SLC44A3: variants seen among roughly 807,000 people sequenced by gnomAD.
SLC44A3 encodes the protein solute carrier family 44 member 3.
SLC44A3 carries 74 observed loss-of-function variants against 75.4 expected under a neutral mutation model. The ratio of observed to expected loss-of-function variants is 0.98; its 90% CI spans 0.81 to 1.19. The LOEUF (loss-of-function observed/expected upper bound fraction) is 1.19, where lower values mean the gene tolerates loss of function less well. Among genes scored for constraint, SLC44A3 ranks in the 50% most tolerant of loss-of-function variants. The pLI is 0.00. For missense variants in SLC44A3, 700 were observed against 778.6 expected, an observed-to-expected ratio of 0.90 and a Z score of 1.20; for synonymous variants, 310 against 296.9, an observed-to-expected ratio of 1.04 and a Z score of -0.45.
Position 94,820,358 on chromosome 1 carries a change from G to T in SLC44A3, c.-94G>T. On this transcript the variant is annotated 5_prime_UTR_variant, in exon 1 of 15. Transcript: ENST00000271227. ...GGCTCCAGCCCCAGCCCCAGCCCCA[G>T]CCCCGGCCCCGGCCCCGGCTCGCGG... is the stretch of plus-strand genomic sequence containing the variant. 2 of 1,263,544 alleles carry T rather than the reference G, an allele frequency of 1.6e-6. No homozygotes were observed. Among genetic ancestry groups the T allele is most frequent in the Non-Finnish European group, 2.0e-6 (2 of 998,600 alleles). 78.3% of individuals were successfully genotyped at this position (1,263,544 alleles called of 1,614,324 possible).
intron 9 of SLC44A3, among the ~76,000 whole-genome samples, chr1:94,852,714 T>G (rs1200331662): frequency 6.6e-6 from 1 of 152,178 alleles, no homozygotes; most frequent in Non-Finnish European, 1.5e-5. Context: ...GGAAGTGGCA[T>G]GACATATTAG....
chr1:94,854,719 C>T (rs1465593157), intron 9 of SLC44A3, among the ~76,000 whole-genome samples: 2 of 149,486 alleles, frequency 1.3e-5, no homozygotes, highest in East Asian at 2.0e-4. Flanking sequence ...GGTTCTCAAG[C>T]CCCCCGCGCC....
In SLC44A3 at chr1:94,820,414, G is replaced by A; in HGVS notation, c.-38G>A. The stretch of plus-strand genomic sequence containing the variant: ...GCGTCTCCGCGTACAGGAGGCGGCG[G>A]CGGCTCCCAGTCACCGGCCCCCGCC... On this transcript the variant is annotated 5_prime_UTR_variant, in exon 1 of 15. Coordinates refer to ENST00000271227, the MANE Select transcript of SLC44A3 (RefSeq NM_001114106.3). The A allele has an allele frequency of 6.9e-7, 1 of 1,449,154 alleles. No homozygotes were observed. Among genetic ancestry groups the A allele is most frequent in the South Asian group, 1.3e-5 (1 of 74,636 alleles). 89.8% of individuals were successfully genotyped at this position (1,449,154 alleles called of 1,614,324 possible).
rs183823509 is a variant in SLC44A3 at position 94,865,665 on chromosome 1, A to T, written c.1395+766A>T. 2.6e-5 allele frequency among the ~76,000 whole-genome samples: 4 copies of T among 152,302 alleles called. No individual in the cohort carries two copies. The East Asian group carries it at 7.7e-4, about 29-fold the overall frequency. On this transcript the variant is annotated intron_variant, in intron 11 of 14. Coordinates refer to ENST00000271227, the MANE Select transcript of SLC44A3 (RefSeq NM_001114106.3). ...AACAAGAGAAGATTGGACTTTTCCC[A>T]AGTCTTCTGTTCTCACACAATGTTA...
chr1:94,821,418 C>A (rs1048397602), intron 2 of SLC44A3, among the ~76,000 whole-genome samples: 1 of 152,196 alleles, frequency 6.6e-6, no homozygotes, highest in Admixed American at 6.5e-5. Context: ...TTTGGTGCAC[C>A]TTTAACAAAG....
At position 94,894,971 on chromosome 1, in the gene SLC44A3, A is replaced by G; in HGVS notation, c.*49A>G. On this transcript the variant is annotated 3_prime_UTR_variant, in exon 15 of 15. Coordinates refer to ENST00000271227, the MANE Select transcript of SLC44A3 (RefSeq NM_001114106.3). Reference sequence around the variant, plus strand: ...TGGAAAACATTTCCTTCTAAGAGCCATTTACAGAATAGAAGATGAGACCAC... The same window carrying G: ...TGGAAAACATTTCCTTCTAAGAGCCGTTTACAGAATAGAAGATGAGACCAC... The G allele has an allele frequency of 6.9e-7, 1 of 1,451,284 alleles. No homozygotes were observed. The highest frequency in any genetic ancestry group is 9.5e-7 in the Non-Finnish European group (1 of 1,055,462). The allele number at this position is 1,451,284 out of a possible 1,614,324, so 89.9% of individuals were successfully genotyped here.
rs1660497000 is a variant in SLC44A3 at position 94,821,008 on chromosome 1, C to G, written c.87C>G (p.Cys29Trp). The change falls in exon 2 of 15, where the codon TGC becomes TGG. Residue 29 changes from cysteine to tryptophan, a missense_variant. Cys to Trp is a radical substitution (Grantham distance 215). Transcript: ENST00000271227. ...REWRPQIYRK[C>W]TDTAWLFLFF... Reference sequence around the variant, plus strand: ...GGCGACCCCAGATTTATAGGAAATGCACAGATACGGCATGGTTATTCCTGT... The same window carrying G: ...GGCGACCCCAGATTTATAGGAAATGGACAGATACGGCATGGTTATTCCTGT... The G allele has an allele frequency of 1.3e-6, 2 of 1,551,510 alleles. No homozygotes were observed. The highest frequency in any genetic ancestry group is 1.7e-6 in the Non-Finnish European group (2 of 1,146,900).
chr1:94,829,650 G>A (rs1661860133), intron 5 of SLC44A3, among the ~76,000 whole-genome samples: 1 of 152,222 alleles, frequency 6.6e-6, no homozygotes, highest in Non-Finnish European at 1.5e-5. Flanking sequence ...CCACCATTAT[G>A]ATGCTGAGAT....
intron 5 of SLC44A3, among the ~76,000 whole-genome samples, chr1:94,831,320 CAAGT>C (rs1482803489): frequency 3.3e-5 from 5 of 152,266 alleles, no homozygotes; most frequent in South Asian, 2.1e-4. Flanking sequence ...CCTGCACAAG[CAAGT>C]GTTTGTTTAA....
rs374271106 is a variant in SLC44A3, at chr1:94,828,477, T to C, written c.416-16T>C. ...ACCTGGAAAGAAGGTATAATGTCTG[T>C]GTGTTCTGCTTCCAGGGTCCTTCCT... On this transcript the variant is annotated splice_polypyrimidine_tract_variant and intron_variant, in intron 4 of 14. Transcript: ENST00000271227. The C allele has an allele frequency of 3.7e-6, 6 of 1,608,464 alleles. No individual in the cohort carries two copies. The African/African-American group carries it at 8.0e-5, about 22-fold the overall frequency.
At chr1:94,847,441 A>G (rs1031545026) in intron 9 of SLC44A3, among the ~76,000 whole-genome samples, 2 of 110,474 alleles carry the variant, frequency 1.8e-5, no homozygotes, top group African/African-American at 2.7e-5. Flanking sequence ...GCCAGGTCCC[A>G]GTTACATAGC....
At chr1:94,878,169 A>G (rs1049967411) in intron 12 of SLC44A3, among the ~76,000 whole-genome samples, 4 of 151,988 alleles carry the variant, frequency 2.6e-5, no homozygotes, top group African/African-American at 9.7e-5. Context: ...CAGGGGGCGG[A>G]GCCTGCAGTG....
intron 3 of SLC44A3, among the ~76,000 whole-genome samples, chr1:94,825,497 A>G (rs1354722671): frequency 2.0e-5 from 3 of 151,954 alleles, no homozygotes; most frequent in African/African-American, 7.3e-5. Context: ...GGCCTGGCTA[A>G]TTTTTGTATT....
chr1:94,888,595 G>T, intron 12 of SLC44A3: 2 of 885,096 alleles, frequency 2.3e-6, no homozygotes, highest in Non-Finnish European at 2.7e-6. Flanking sequence ...CAAATTTCAC[G>T]CACATTCTAT....
Position 94,820,416 on chromosome 1 carries a change from G to A in SLC44A3, c.-36G>A. Reference sequence around the variant, plus strand: ...GTCTCCGCGTACAGGAGGCGGCGGCGGCTCCCAGTCACCGGCCCCCGCCGG... The same window carrying A: ...GTCTCCGCGTACAGGAGGCGGCGGCAGCTCCCAGTCACCGGCCCCCGCCGG... On this transcript the variant is annotated 5_prime_UTR_variant, in exon 1 of 15. Transcript: ENST00000271227. The A allele has an allele frequency of 1.4e-6, 2 of 1,446,816 alleles. No homozygotes were observed. The highest frequency in any genetic ancestry group is 1.5e-5 in the African/African-American group (1 of 67,912). The allele number at this position is 1,446,816 out of a possible 1,614,324, so 89.6% of individuals were successfully genotyped here.
chr1:94,821,644 G>A (rs1242408294), intron 2 of SLC44A3, among the ~76,000 whole-genome samples: 6 of 152,132 alleles, frequency 3.9e-5, no homozygotes, highest in Non-Finnish European at 8.8e-5. Context: ...GTTGGAAGCC[G>A]AATCTTGCTG....
Position 94,884,915 on chromosome 1 carries a change from T to A in SLC44A3, c.1483-6215T>A, listed in dbSNP as rs114703633. ...TCTCTTACCTAAAAGGACACTTAAA[T>A]CTCATTTTCTTCAATAATTACAATT... On this transcript the variant is annotated intron_variant, in intron 12 of 14. Transcript: ENST00000271227. Among the ~76,000 whole-genome samples the A allele has an allele frequency of 7.8e-3, 1,183 of 152,320 alleles. 7 individuals are homozygous for A. The highest frequency in any genetic ancestry group is 0.013 in the Non-Finnish European group (896 of 68,032).
rs374840042 is a variant in SLC44A3 at position 94,892,261 on chromosome 1, C to T, written c.1621-20C>T. ...GCAACTGATTCATAAAGATTTTCAA[C>T]AAACTCTTCTTTTGCACAGGTGTTA... On this transcript the variant is annotated intron_variant, in intron 13 of 14. Transcript: ENST00000271227. The T allele has an allele frequency of 1.3e-6, 2 of 1,595,862 alleles. No individual in the cohort carries two copies. Among genetic ancestry groups the T allele is most frequent in the South Asian group, 1.1e-5 (1 of 88,074 alleles).
intron 11 of SLC44A3, among the ~76,000 whole-genome samples, chr1:94,866,958 G>A (rs944056990): frequency 4.5e-4 from 68 of 152,096 alleles, no homozygotes; most frequent in Middle Eastern, 6.8e-3. Flanking sequence ...CTGGGATGTG[G>A]ATTTTTCGTG....
Sources: gnomAD v4.1 joint callset for allele counts (sites outside exome capture counted in the v4.1 genomes callset) on GRCh38, gnomAD v4.1.1 for gene constraint, MANE v1.5 for transcripts, NCBI Gene and HGNC (gene_info 2026-07-23, HGNC 2026-07-21) for gene names.